Variants in MTUS2 observed in about 807,000 individuals in gnomAD.
MTUS2 encodes the protein microtubule-associated tumor suppressor candidate 2.
Under a neutral mutation model 114.1 loss-of-function variants are expected in MTUS2, and 40 were observed. That is an observed-to-expected ratio of 0.35 (90% CI 0.27 to 0.46). The LOEUF (loss-of-function observed/expected upper bound fraction) is 0.46. MTUS2 is among the 20% of genes least tolerant of loss of function. The probability of loss-of-function intolerance (pLI) is 1.00; values close to 1 mark genes in which losing one functional copy is unlikely to be tolerated. For missense variants in MTUS2, 1,679 were observed against 1,705.4 expected (o/e 0.98, Z 0.27); for synonymous variants, 688 against 672.0 (o/e 1.02, Z -0.37).
At chr13:29,351,560 C>G (rs1345405591) in intron 7 of MTUS2, among the ~76,000 whole-genome samples, 1 of 152,096 alleles carries the variant, frequency 6.6e-6, no homozygotes, top group African/African-American at 2.4e-5. Flanking sequence ...AGACACTCCA[C>G]TATTCTACTA....
chr13:28,907,791 C>T (rs914109602), intron 2 of MTUS2, among the ~76,000 whole-genome samples: 1 of 151,516 alleles, frequency 6.6e-6, no homozygotes, highest in Non-Finnish European at 1.5e-5. Flanking sequence ...TAGACTCCCA[C>T]ACAATAATAA....
intron 8 of MTUS2, among the ~76,000 whole-genome samples, chr13:29,425,763 G>A (rs182092482): frequency 6.6e-6 from 1 of 152,274 alleles, no homozygotes; most frequent in East Asian, 1.9e-4. Flanking sequence ...GTACATGTGC[G>A]ATTTCACCAA....
intron 8 of MTUS2, among the ~76,000 whole-genome samples, chr13:29,413,305 G>A (rs1178158287): frequency 6.6e-6 from 1 of 152,158 alleles, no homozygotes; most frequent in Non-Finnish European, 1.5e-5. Flanking sequence ...TGAAGGTTTG[G>A]TAGAAGACTG....
At chr13:28,952,066 T>C (rs998527899) in intron 2 of MTUS2, among the ~76,000 whole-genome samples, 1 of 152,218 alleles carries the variant, frequency 6.6e-6, no homozygotes, top group Admixed American at 6.5e-5. Flanking sequence ...AAATTCATGA[T>C]GCATATTTTA....
intron 5 of MTUS2, among the ~76,000 whole-genome samples, chr13:29,102,619 A>G (rs1890468736): frequency 6.6e-6 from 1 of 152,152 alleles, no homozygotes; most frequent in Non-Finnish European, 1.5e-5. Context: ...TCTATCCAGA[A>G]TTGTTTTCTA....
At chr13:28,928,436 G>A (rs1030444214) in intron 2 of MTUS2, among the ~76,000 whole-genome samples, 2 of 152,090 alleles carry the variant, frequency 1.3e-5, no homozygotes, top group East Asian at 1.9e-4. Flanking sequence ...TAAAAACTGG[G>A]CAAAAAATCT....
intron 11 of MTUS2, among the ~76,000 whole-genome samples, chr13:29,489,159 T>C (rs1000872565): frequency 4.6e-5 from 7 of 151,962 alleles, no homozygotes; most frequent in African/African-American, 1.7e-4. Context: ...GTGGGCTGGC[T>C]ACACGGGAGG....
chr13:29,172,408 C>A (rs1370398408), intron 5 of MTUS2, among the ~76,000 whole-genome samples: 1 of 152,174 alleles, frequency 6.6e-6, no homozygotes, highest in Non-Finnish European at 1.5e-5. Context: ...CAAGTGAGTG[C>A]AGTTTGGCCT....
At chr13:29,031,237 G>GGTGTGTGTGTGTGTGTGTGTGTGTGT (rs59288953) in intron 3 of MTUS2, among the ~76,000 whole-genome samples, 1,956 of 122,838 alleles carry the variant, frequency 0.016, 52 homozygotes, top group Non-Finnish European at 0.021. Flanking sequence ...AGAACTAATA[G>GGTGTGTGTGTGTGTGTGTGTGTGTGT]GTGTGTGTGT....
At chr13:29,121,989 T>G (rs1282679392) in intron 5 of MTUS2, among the ~76,000 whole-genome samples, 2 of 152,162 alleles carry the variant, frequency 1.3e-5, no homozygotes, top group African/African-American at 4.8e-5. Context: ...ACCTCACTTC[T>G]CGCTGTATTG....
At chr13:29,314,074 G>A (rs899090862) in intron 6 of MTUS2, among the ~76,000 whole-genome samples, 1 of 152,144 alleles carries the variant, frequency 6.6e-6, no homozygotes, top group Non-Finnish European at 1.5e-5. Context: ...AAGTAAGGAA[G>A]CAGACCAAGA....
At chr13:29,286,898 C>T (rs1476637812) in intron 6 of MTUS2, among the ~76,000 whole-genome samples, 1 of 152,180 alleles carries the variant, frequency 6.6e-6, no homozygotes, top group South Asian at 2.1e-4. Context: ...ATCATGTTAG[C>T]TAGGCTGGTC....
At chr13:29,010,962 G>T (rs1183763493) in intron 2 of MTUS2, among the ~76,000 whole-genome samples, 1 of 152,144 alleles carries the variant, frequency 6.6e-6, no homozygotes, top group African/African-American at 2.4e-5. Flanking sequence ...CCTGGAAGCT[G>T]TCAGGACCAC....
chr13:28,906,629 A>G (rs1387598826), intron 2 of MTUS2, among the ~76,000 whole-genome samples: 2 of 151,574 alleles, frequency 1.3e-5, no homozygotes, highest in African/African-American at 4.9e-5. Context: ...ACAGTTTGTT[A>G]TAATTTCTGT....
rs533256369 is a variant in MTUS2, at chr13:29,324,037, T to G, written c.2807-576T>G. ...GGACACAATATGAGGAGCGTCCACA[T>G]GCTTTTGCTGGACCAGCTCTGGCAG... On this transcript the variant is annotated intron_variant, in intron 6 of 15. Coordinates refer to ENST00000612955, the MANE Select transcript of MTUS2 (RefSeq NM_001033602.4). 2.0e-5 allele frequency among the ~76,000 whole-genome samples: 3 copies of G among 152,298 alleles called. No homozygotes were observed. In the South Asian group the frequency reaches 6.2e-4, roughly 32 times the overall value.
intron 5 of MTUS2, among the ~76,000 whole-genome samples, chr13:29,193,016 A>G (rs1380607883): frequency 2.0e-5 from 3 of 152,186 alleles, no homozygotes; most frequent in African/African-American, 7.2e-5. Context: ...ATTTTCATCC[A>G]TGATTAACTC....
At chr13:28,820,750 G>C (rs762516410) in intron 1 of MTUS2, 139 bp downstream of exon 1, 15 of 152,270 alleles carry the variant, frequency 9.9e-5, no homozygotes, top group Non-Finnish European at 1.6e-4. Context: ...TCGGCTTCTC[G>C]TCTCCAGAGC....
chr13:29,156,629 G>C (rs1348577744), intron 5 of MTUS2, among the ~76,000 whole-genome samples: 1 of 152,124 alleles, frequency 6.6e-6, no homozygotes, highest in African/African-American at 2.4e-5. Flanking sequence ...TTGTGGCAAC[G>C]TATCCCCTGC....
intron 8 of MTUS2, among the ~76,000 whole-genome samples, chr13:29,379,961 C>G (rs1405585792): frequency 6.6e-6 from 1 of 152,152 alleles, no homozygotes; most frequent in Non-Finnish European, 1.5e-5. Context: ...ATAGAAGAAA[C>G]TGGTGGTGTG....
Sources: gnomAD v4.1 joint callset for allele counts (sites outside exome capture counted in the v4.1 genomes callset) on GRCh38, gnomAD v4.1.1 for gene constraint, MANE v1.5 for transcripts, NCBI Gene and HGNC (gene_info 2026-07-23, HGNC 2026-07-21) for gene names.